STAT1: variants seen among roughly 807,000 people sequenced by gnomAD.
STAT1 encodes signal transducer and activator of transcription 1-alpha/beta.
STAT1 carries 24 observed loss-of-function variants against 111.7 expected under a neutral mutation model. That is an observed-to-expected ratio of 0.21 (90% CI 0.16 to 0.30). The LOEUF is 0.30. STAT1 is among the 10% of genes least tolerant of loss of function. The probability of loss-of-function intolerance (pLI) is 1.00; values close to 1 mark genes in which losing one functional copy is unlikely to be tolerated. For synonymous variants in STAT1, 332 were observed against 326.5 expected, an observed-to-expected ratio of 1.02 and a Z score of -0.18; for missense variants, 351 against 911.9, an observed-to-expected ratio of 0.38 and a Z score of 7.92.
rs750574793 is a variant in STAT1 at position 190,979,001 on chromosome 2, C to T, written c.1728G>A (p.Gly576=). ...KKHLLPLWND[G]CIMGFISKER... is the part of the protein sequence containing the mutation. ...CCTTGCTGATGAAGCCCATGATGCA[C>T]CTGGATATCGAAGAGATGGACGGAT... The change falls in exon 21 of 25, where the codon GGG becomes GGA. Residue 576 remains glycine (G), a splice_region_variant and synonymous_variant. Transcript: ENST00000361099. This position sits in a 1 kb window ranked among gnomAD's most constrained non-coding sequence, Gnocchi z 5.8. 6.2e-7 allele frequency: 1 copy of T among 1,614,150 alleles called. No individual in the cohort carries two copies. The highest frequency in any genetic ancestry group is 1.7e-5 in the Admixed American group (1 of 60,026).
At position 191,006,561 on chromosome 2, in the gene STAT1, C is replaced by T. The variant is rs908598; in HGVS notation, c.372+1002G>A. Among the ~76,000 whole-genome samples the T allele has an allele frequency of 0.03, 4,529 of 152,270 alleles. 186 individuals carry two copies. Among genetic ancestry groups the T allele is most frequent in the Admixed American group, 0.12 (1,768 of 15,288 alleles). ...CTCTCCACTGTCACACAGTTCACTT[C>T]GGTAGTTATTTGTTGGTGAAATGCA... On this transcript the variant is annotated intron_variant, in intron 5 of 24. Transcript: ENST00000361099. The surrounding 1 kb of genome is among the most constrained non-coding windows in gnomAD (Gnocchi z 4.6).
rs1321093762 is a variant in STAT1 at position 190,999,508 on chromosome 2, A to C, written c.541+118T>G. ...TGAGAAGCCCTGGCCTGGGTTATCA[A>C]GGAAGAATTCAGAGTCATAAAATAC... On this transcript the variant is annotated intron_variant, in intron 7 of 24. Coordinates refer to ENST00000361099, the MANE Select transcript of STAT1 (RefSeq NM_007315.4). The surrounding 1 kb of genome is among the most constrained non-coding windows in gnomAD (Gnocchi z 4.1). 3.9e-6 allele frequency: 3 copies of C among 767,080 alleles called. No individual in the cohort carries two copies. The highest frequency in any genetic ancestry group is 1.5e-5 in the South Asian group (1 of 68,718). The allele number at this position is 767,080 out of a possible 1,614,324, so 47.5% of individuals were successfully genotyped here.
chr2:191,009,896 C>T lies in STAT1; in HGVS notation c.108G>A (p.Gln36=), dbSNP rs1694995053. 2 of 1,614,006 alleles carry T rather than the reference C, an allele frequency of 1.2e-6. No individual in the cohort carries two copies. The highest frequency in any genetic ancestry group is 1.7e-6 in the Non-Finnish European group (2 of 1,179,924). ...CTTACCAGTCTTGCTTTTCTAACCA[C>T]TGTGCCAGGTACTGTCTGATTTCCA... is the stretch of plus-strand genomic sequence containing the variant. ...FPMEIRQYLA[Q]WLEKQDWEHA... is the part of the protein sequence containing the mutation. Residue 36 remains glutamine, a synonymous_variant, in exon 3 of 25, where the codon CAG becomes CAA. Transcript: ENST00000361099.
rs878894054 is a variant in STAT1, at chr2:190,993,509, A to T, written c.944+1552T>A. On this transcript the variant is annotated intron_variant, in intron 10 of 24. Coordinates refer to ENST00000361099, the MANE Select transcript of STAT1 (RefSeq NM_007315.4). This position sits in a 1 kb window ranked among gnomAD's most constrained non-coding sequence, Gnocchi z 4.1. Reference sequence around the variant, plus strand: ...GAAGGAGGCAAGACTTTCCAACCCCAGAGTCGCCAATCAGAAGTAATTTGA... The same window carrying T: ...GAAGGAGGCAAGACTTTCCAACCCCTGAGTCGCCAATCAGAAGTAATTTGA... The T allele has an allele frequency of 1.1e-5, 9 of 806,024 alleles. No homozygotes were observed. Among genetic ancestry groups the T allele is most frequent in the East Asian group, 1.1e-4 (4 of 36,838 alleles). The allele number at this position is 806,024 out of a possible 1,614,324, so 49.9% of individuals were successfully genotyped here. A position where few individuals can be genotyped will look rare whatever the true frequency, so the allele number is the denominator to read the frequency against.
Position 191,000,397 on chromosome 2 carries a change from A to G in STAT1, c.462+677T>C, listed in dbSNP as rs1694181888. Among the ~76,000 whole-genome samples, 1 of 152,192 alleles carries G rather than the reference A, an allele frequency of 6.6e-6. No homozygotes were observed. The highest frequency in any genetic ancestry group is 2.1e-4 in the South Asian group (1 of 4,836). The stretch of plus-strand genomic sequence containing the variant: ...AGTTTGGAAAGATGCTGTCTGAAGC[A>G]TGTAAGTCAAGGCCATACTGCTATT... On this transcript the variant is annotated intron_variant, in intron 6 of 24. Coordinates refer to ENST00000361099, the MANE Select transcript of STAT1 (RefSeq NM_007315.4). This position sits in a 1 kb window ranked among gnomAD's most constrained non-coding sequence, Gnocchi z 4.8.
intron 24 of STAT1, among the ~76,000 whole-genome samples, chr2:190,972,559 G>C (rs925870309): frequency 1.3e-5 from 2 of 152,274 alleles, no homozygotes; most frequent in Non-Finnish European, 2.9e-5. Flanking sequence ...AGCTTGGGGA[G>C]AGCTGCTTCT....
Position 190,987,380 on chromosome 2 carries a change from C to T in STAT1, c.1098-312G>A, listed in dbSNP as rs1446586126. On this transcript the variant is annotated intron_variant, in intron 12 of 24. Coordinates refer to ENST00000361099, the MANE Select transcript of STAT1 (RefSeq NM_007315.4). This position sits in a 1 kb window ranked among gnomAD's most constrained non-coding sequence, Gnocchi z 4.0. ...ACTAGTTAATTCCTCACCAGTACAC[C>T]CTCAATAAATGTAAGCACCAGCACC... Among the ~76,000 whole-genome samples the T allele has an allele frequency of 6.6e-6, 1 of 152,098 alleles. No individual in the cohort carries two copies. Among genetic ancestry groups the T allele is most frequent in the Non-Finnish European group, 1.5e-5 (1 of 68,024 alleles).
At chr2:190,991,136 A>G in intron 11 of STAT1, 92 bp downstream of exon 11, 1 of 1,210,426 alleles carries the variant, frequency 8.3e-7, no homozygotes, top group East Asian at 2.4e-5. Flanking sequence ...TATTTCCTCA[A>G]AAGCACCCTA....
In STAT1 at chr2:190,973,650, A is replaced by T. The variant is rs1483515554; in HGVS notation, c.2238+1180T>A. On this transcript the variant is annotated intron_variant, in intron 24 of 24. Coordinates refer to ENST00000361099, the MANE Select transcript of STAT1 (RefSeq NM_007315.4). This position sits in a 1 kb window ranked among gnomAD's most constrained non-coding sequence, Gnocchi z 4.4. ...CAGGCCTATAGCAGTGTTGGGAGCG[A>T]AACTCTAGCAGGATCCTTCTTACAT... Among the ~76,000 whole-genome samples, 14 of 152,194 alleles carry T rather than the reference A, an allele frequency of 9.2e-5. No individual in the cohort carries two copies. Among genetic ancestry groups the T allele is most frequent in the Admixed American group, 9.2e-4 (14 of 15,288 alleles).
In STAT1 at chr2:191,009,916, T is replaced by C; in HGVS notation, c.88A>G (p.Ile30Val). 2 of 1,614,070 alleles carry C rather than the reference T, an allele frequency of 1.2e-6. No individual in the cohort carries two copies. The highest frequency in any genetic ancestry group is 1.7e-6 in the Non-Finnish European group (2 of 1,179,930). The change falls in exon 3 of 25, where the codon ATC becomes GTC. Residue 30 changes from isoleucine to valine, a missense_variant. Ile to Val is a conservative substitution (Grantham distance 29). Around this residue, in one of 7 missense-constraint regions of STAT1, gnomAD observed 44 missense variants for 144.2 expected, o/e 0.31. Coordinates refer to ENST00000361099, the MANE Select transcript of STAT1 (RefSeq NM_007315.4). ...QLYDDSFPME[I>V]RQYLAQWLEK... The stretch of plus-strand genomic sequence containing the variant: ...AACCACTGTGCCAGGTACTGTCTGA[T>C]TTCCATGGGAAAACTGTCATCATAA...
intron 10 of STAT1, among the ~76,000 whole-genome samples, chr2:190,992,324 A>C (rs1379115656): frequency 2.0e-5 from 3 of 152,244 alleles, no homozygotes; most frequent in African/African-American, 4.8e-5. Flanking sequence ...CTGACATCTA[A>C]ACACACCAAT....
rs1694000715 is a variant in STAT1 at position 190,998,300 on chromosome 2, T to C, written c.550A>G (p.Thr184Ala). 4 of 1,613,020 alleles carry C rather than the reference T, an allele frequency of 2.5e-6. No homozygotes were observed. In the South Asian group the frequency reaches 4.4e-5, roughly 18 times the overall value. The change falls in exon 8 of 25, where the codon ACC (threonine) becomes GCC (alanine). Residue 184 changes from threonine to alanine, a missense_variant. Physicochemically the swap from Thr to Ala is moderately conservative, Grantham distance 58. Around this residue, in one of 7 missense-constraint regions of STAT1, gnomAD observed 67 missense variants for 158.9 expected, o/e 0.42. Transcript: ENST00000361099. This position sits in a 1 kb window ranked among gnomAD's most constrained non-coding sequence, Gnocchi z 4.1. The part of the protein sequence containing the change: ...CKTLQNREHE[T>A]NGVAKSDQKQ... ...TGATCACTCTTTGCCACACCATTGG[T>C]CTCGTGTTCTATAAATTGAGAGACA...
rs2066796 is a variant in STAT1, at chr2:190,986,980, C to A, written c.1128-33G>T. 9.6e-4 allele frequency: 1,551 copies of A among 1,611,906 alleles called. 16 individuals are homozygous for A. In the African/African-American group the frequency reaches 0.017, roughly 18 times the overall value. ...ATATAGGAAAGAAATGCTGAAAAGT[C>A]TTCCAACTATTAAATAAATAAAAAT... is the stretch of plus-strand genomic sequence containing the variant. On this transcript the variant is annotated intron_variant, in intron 13 of 24. Transcript: ENST00000361099. This position sits in a 1 kb window ranked among gnomAD's most constrained non-coding sequence, Gnocchi z 5.0.
rs1692068520 is a variant in STAT1 at position 190,978,297 on chromosome 2, A to G, written c.1873+559T>C. Among the ~76,000 whole-genome samples the G allele has an allele frequency of 6.6e-6, 1 of 152,130 alleles. No homozygotes were observed. The highest frequency in any genetic ancestry group is 6.5e-5 in the Admixed American group (1 of 15,278). On this transcript the variant is annotated intron_variant, in intron 21 of 24. Transcript: ENST00000361099. This position sits in a 1 kb window ranked among gnomAD's most constrained non-coding sequence, Gnocchi z 6.1. ...CCTCAGAAACCTGCTTCATAACACC[A>G]AGGTTTCTGGAGTCTTTTAGCCATG... is the stretch of plus-strand genomic sequence containing the variant.
rs1297934255 is a variant in STAT1 at position 190,971,333 on chromosome 2, A to C, written c.2239-616T>G. Among the ~76,000 whole-genome samples the C allele has an allele frequency of 6.6e-6, 1 of 152,174 alleles. No homozygotes were observed. Among genetic ancestry groups the C allele is most frequent in the African/African-American group, 2.4e-5 (1 of 41,428 alleles). ...CTTTCCCCTTAGACCAGATGCTTTC[A>C]ATCGAGGATGATTCTGTCCCCTGGC... On this transcript the variant is annotated intron_variant, in intron 24 of 24. Coordinates refer to ENST00000361099, the MANE Select transcript of STAT1 (RefSeq NM_007315.4). This position sits in a 1 kb window ranked among gnomAD's most constrained non-coding sequence, Gnocchi z 4.1.
At position 190,981,865 on chromosome 2, in the gene STAT1, T is replaced by A. The variant is rs528385383; in HGVS notation, c.1582+518A>T. Among the ~76,000 whole-genome samples, 1 of 152,360 alleles carries A rather than the reference T, an allele frequency of 6.6e-6. No individual in the cohort carries two copies. Among genetic ancestry groups the A allele is most frequent in the African/African-American group, 2.4e-5 (1 of 41,582 alleles). On this transcript the variant is annotated intron_variant, in intron 18 of 24. Transcript: ENST00000361099. This position sits in a 1 kb window ranked among gnomAD's most constrained non-coding sequence, Gnocchi z 4.1. ...CCACTGAAAGGGAATTATCTACCAC[T>A]GTCTAGACTCTGTCCAATCAGGCAA...
chr2:190,979,741 GT>G lies in STAT1; in HGVS notation c.1727+30del. On this transcript the variant is annotated intron_variant, in intron 20 of 24. Transcript: ENST00000361099. This position sits in a 1 kb window ranked among gnomAD's most constrained non-coding sequence, Gnocchi z 5.8. ...CTCAACCTCGCAGCACTAAAAATAT[GT>G]TTCAAAATACATCTATCGGTGGCCC... The G allele has an allele frequency of 6.5e-7, 1 of 1,549,182 alleles. No individual in the cohort carries two copies. Among genetic ancestry groups the G allele is most frequent in the South Asian group, 1.1e-5 (1 of 89,696 alleles).
rs1031855803 is a variant in STAT1, at chr2:190,971,986, T to G, written c.2239-1269A>C. On this transcript the variant is annotated intron_variant, in intron 24 of 24. Transcript: ENST00000361099. This position sits in a 1 kb window ranked among gnomAD's most constrained non-coding sequence, Gnocchi z 4.1. ...CCCCGGCCTCCCAAAATGTTGAGAT[T>G]ACAGGCGTGAGCCACCGCGCCCGGC... 5.9e-5 allele frequency among the ~76,000 whole-genome samples: 9 copies of G among 152,112 alleles called. No homozygotes were observed. The highest frequency in any genetic ancestry group is 1.3e-4 in the Admixed American group (2 of 15,276).
chr2:190,985,858 G>A (rs189186670), intron 14 of STAT1, among the ~76,000 whole-genome samples, 198 bp from the exon 15 acceptor site: 24 of 152,282 alleles, frequency 1.6e-4, no homozygotes, highest in Admixed American at 1.1e-3. Flanking sequence ...CTCATGGTGC[G>A]GACACCAGTC....
Sources: allele counts gnomAD v4.1 joint callset (sites outside exome capture counted in the v4.1 genomes callset), GRCh38; gene constraint gnomAD v4.1.1; regional missense constraint gnomAD v4.1.1; non-coding constraint Gnocchi (gnomAD v3.1); transcripts MANE v1.5; gene names NCBI Gene and HGNC (gene_info 2026-07-23, HGNC 2026-07-21).